The following NTM variants were observed in gnomAD, a reference collection of about 807,000 sequenced individuals.
NTM encodes IgLON family member 2.
A neutral mutation model predicts 42.1 loss-of-function variants in NTM; 13 were observed. The observed-to-expected ratio is 0.31, with a 90% CI of 0.20 to 0.49. The LOEUF is 0.49. Ranked by LOEUF, NTM falls within the 20% of genes least tolerant of loss-of-function variation. The probability of loss-of-function intolerance (pLI) is 0.99; values close to 1 mark genes in which losing one functional copy is unlikely to be tolerated. For synonymous variants in NTM, 187 were observed against 179.2 expected, an observed-to-expected ratio of 1.04 and a Z score of -0.35; for missense variants, 373 against 452.8, an observed-to-expected ratio of 0.82 and a Z score of 1.60.
intron 1 of NTM, among the ~76,000 whole-genome samples, chr11:131,431,802 C>A (rs994032026): frequency 4.6e-5 from 7 of 152,148 alleles, no homozygotes; most frequent in Non-Finnish European, 7.4e-5. Context: ...GTCACAGCCA[C>A]TGGGTGAGGG....
chr11:132,015,311 G>T (rs1357924712), intron 2 of NTM, among the ~76,000 whole-genome samples: 1 of 151,860 alleles, frequency 6.6e-6, no homozygotes, highest in Non-Finnish European at 1.5e-5. Flanking sequence ...AATATATTTT[G>T]AGTCCAGTAG....
intron 1 of NTM, among the ~76,000 whole-genome samples, chr11:131,782,949 T>C (rs1697431556): frequency 6.6e-6 from 1 of 152,168 alleles, no homozygotes; most frequent in African/African-American, 2.4e-5. Context: ...CTCTCACCAC[T>C]GCTATCTGTT....
chr11:132,021,785 G>C (rs2074374881), intron 2 of NTM, among the ~76,000 whole-genome samples: 1 of 152,214 alleles, frequency 6.6e-6, no homozygotes, highest in South Asian at 2.1e-4. Flanking sequence ...CCTTCTGATA[G>C]ATTTGTGTAT....
chr11:131,488,594 G>A (rs1046369732), intron 1 of NTM, among the ~76,000 whole-genome samples: 4 of 152,184 alleles, frequency 2.6e-5, no homozygotes, highest in African/African-American at 9.7e-5. Flanking sequence ...GATGGCAAGT[G>A]CAGCATGTGC....
chr11:132,262,962 G>A (rs1402909238), intron 4 of NTM, among the ~76,000 whole-genome samples: 2 of 152,218 alleles, frequency 1.3e-5, no homozygotes, highest in Non-Finnish European at 2.9e-5. Context: ...CAGGAATGGG[G>A]TAGGCATTCC....
chr11:132,256,795 C>G (rs1016006511), intron 4 of NTM, among the ~76,000 whole-genome samples: 4 of 152,198 alleles, frequency 2.6e-5, no homozygotes, highest in African/African-American at 9.6e-5. Context: ...TCACATATGG[C>G]CCCAGCGATT....
chr11:131,809,088 T>C (rs772677225), intron 1 of NTM, among the ~76,000 whole-genome samples: 116 of 152,364 alleles, frequency 7.6e-4, no homozygotes, highest in Non-Finnish European at 1.3e-3. Context: ...CATATATGCA[T>C]AGACCATTCT....
At chr11:131,976,335 G>T (rs1340715780) in intron 2 of NTM, among the ~76,000 whole-genome samples, 1 of 152,078 alleles carries the variant, frequency 6.6e-6, no homozygotes, top group Non-Finnish European at 1.5e-5. Context: ...CTCCTGTTTT[G>T]CCTTGGCCAC....
intron 1 of NTM, among the ~76,000 whole-genome samples, chr11:131,886,424 C>A (rs2050407849): frequency 6.8e-6 from 1 of 146,250 alleles, no homozygotes; most frequent in Non-Finnish European, 1.5e-5. Flanking sequence ...CTTCCCCGTT[C>A]CCCACCTGGG....
chr11:131,523,412 A>G (rs1241290069), intron 1 of NTM, among the ~76,000 whole-genome samples: 6 of 152,238 alleles, frequency 3.9e-5, no homozygotes, highest in Admixed American at 3.3e-4. Context: ...TAAAGATAGC[A>G]GTCAGAATTC....
At chr11:131,639,932 G>C (rs1203092696) in intron 1 of NTM, among the ~76,000 whole-genome samples, 1 of 151,706 alleles carries the variant, frequency 6.6e-6, no homozygotes, top group Non-Finnish European at 1.5e-5. Context: ...CTCCAGCCTG[G>C]GTGACAGAGC....
chr11:132,268,697 T>TGTGA (rs1396442296), intron 4 of NTM, among the ~76,000 whole-genome samples: 2 of 151,906 alleles, frequency 1.3e-5, no homozygotes, highest in African/African-American at 4.8e-5. Context: ...TGTGTGTGTG[T>TGTGA]GTTTTAGATA....
At chr11:131,773,100 C>A (rs555854234) in intron 1 of NTM, among the ~76,000 whole-genome samples, 1 of 152,138 alleles carries the variant, frequency 6.6e-6, no homozygotes, top group African/African-American at 2.4e-5. Flanking sequence ...AAATTCATTT[C>A]TCATAGTTCT....
At chr11:131,582,072 A>G (rs1592116511) in intron 1 of NTM, 1 of 152,174 alleles carries the variant, frequency 6.6e-6, no homozygotes, top group South Asian at 2.1e-4. Flanking sequence ...GCAGATCAAG[A>G]AGCCCACCAG....
At chr11:132,087,691 A>C (rs139540864) in intron 2 of NTM, among the ~76,000 whole-genome samples, 1 of 152,046 alleles carries the variant, frequency 6.6e-6, no homozygotes, top group Non-Finnish European at 1.5e-5. Flanking sequence ...AGAAAGAAAA[A>C]CCTCTCACAT....
intron 1 of NTM, among the ~76,000 whole-genome samples, chr11:131,689,678 C>T (rs377476576): frequency 6.6e-6 from 1 of 152,134 alleles, no homozygotes; most frequent in South Asian, 2.1e-4. Context: ...AACGGAAGGC[C>T]AGCAAGGGTG....
chr11:131,685,146 A>G (rs552774040), intron 1 of NTM, among the ~76,000 whole-genome samples: 61 of 152,314 alleles, frequency 4.0e-4, no homozygotes, highest in Admixed American at 7.8e-4. Context: ...GGGAAGAGGG[A>G]TTAATGGTGG....
At chr11:131,766,497 TG>T (rs2085124363) in intron 1 of NTM, among the ~76,000 whole-genome samples, 1 of 152,122 alleles carries the variant, frequency 6.6e-6, no homozygotes, top group African/African-American at 2.4e-5. Context: ...ACGTCAAGGC[TG>T]TCATTATAAA....
chr11:131,793,448 T>C (rs2091196161), intron 1 of NTM, among the ~76,000 whole-genome samples: 1 of 152,226 alleles, frequency 6.6e-6, no homozygotes, highest in South Asian at 2.1e-4. Context: ...CTTTACTGTG[T>C]TATGTTCTTT....
Sources: allele counts gnomAD v4.1 joint callset (sites outside exome capture counted in the v4.1 genomes callset), GRCh38; gene constraint gnomAD v4.1.1; transcripts MANE v1.5; gene names NCBI Gene and HGNC (gene_info 2026-07-23, HGNC 2026-07-21).